Variants in RAB30 observed in about 807,000 individuals in gnomAD.
RAB30 encodes ras-related protein Rab-30.
A neutral mutation model predicts 25.1 loss-of-function variants in RAB30; 9 were observed. That is an observed-to-expected ratio of 0.36 (90% CI 0.22 to 0.63). RAB30 has a LOEUF of 0.63. Ranked by LOEUF, RAB30 falls within the 20% of genes least tolerant of loss-of-function variation. The probability of loss-of-function intolerance (pLI) is 0.69; values close to 1 mark genes in which losing one functional copy is unlikely to be tolerated. For missense variants in RAB30, 140 were observed against 243.5 expected (o/e 0.58, Z 2.83); for synonymous variants, 77 against 86.4 (o/e 0.89, Z 0.60).
At chr11:83,028,500 A>G (rs1014205230) in intron 1 of RAB30, among the ~76,000 whole-genome samples, 2 of 152,154 alleles carry the variant, frequency 1.3e-5, no homozygotes, top group Non-Finnish European at 2.9e-5. Flanking sequence ...CACACTGTGA[A>G]ACTTCAGAAA....
At chr11:83,057,201 GTT>G (rs535383170) in intron 1 of RAB30, among the ~76,000 whole-genome samples, 5 of 138,330 alleles carry the variant, frequency 3.6e-5, no homozygotes, top group African/African-American at 2.6e-5. Flanking sequence ...TCACTTGAGG[GTT>G]TTTTTTTTTT....
At chr11:83,056,458 G>C (rs1385234997) in intron 1 of RAB30, among the ~76,000 whole-genome samples, 2 of 152,098 alleles carry the variant, frequency 1.3e-5, no homozygotes, top group African/African-American at 4.8e-5. Context: ...TCCATCTTTT[G>C]GCTATGGTGA....
intron 1 of RAB30, among the ~76,000 whole-genome samples, chr11:83,057,807 GTA>G (rs1858487582): frequency 6.6e-6 from 1 of 152,218 alleles, no homozygotes; most frequent in Non-Finnish European, 1.5e-5. Context: ...AGAGAGAAAA[GTA>G]TTCGTCAGAC....
intron 1 of RAB30, among the ~76,000 whole-genome samples, chr11:83,016,088 T>C (rs1374166795): frequency 6.6e-6 from 1 of 152,094 alleles, no homozygotes; most frequent in East Asian, 1.9e-4. Flanking sequence ...CAGTGAGCTC[T>C]GATCATGCCA....
At chr11:83,018,192 G>A (rs933588250) in intron 1 of RAB30, among the ~76,000 whole-genome samples, 5 of 151,914 alleles carry the variant, frequency 3.3e-5, no homozygotes, top group Admixed American at 1.3e-4. Context: ...CCAGCTACTC[G>A]GGAGGCTGAG....
chr11:83,032,132 T>C (rs1292040089), intron 1 of RAB30, among the ~76,000 whole-genome samples: 1 of 132,978 alleles, frequency 7.5e-6, no homozygotes, highest in Non-Finnish European at 1.5e-5. Context: ...GTCTCAATAG[T>C]AGTGATCCTT....
Position 83,062,156 on chromosome 11 carries a change from C to G in RAB30, c.-9+9535G>C, listed in dbSNP as rs1375854313. On this transcript the variant is annotated intron_variant, in intron 1 of 4. Coordinates refer to ENST00000527633, the MANE Select transcript of RAB30 (RefSeq NM_001286060.2). ...TGGTTTCAGAAAGCCTACCTAGGGTCTATATCTGCATTTTTCAGAGTGGGA... is the reference window on the plus strand; with the variant it reads ...TGGTTTCAGAAAGCCTACCTAGGGTGTATATCTGCATTTTTCAGAGTGGGA... 2.0e-5 allele frequency among the ~76,000 whole-genome samples: 3 copies of G among 152,060 alleles called. No homozygotes were observed. The East Asian group carries it at 5.8e-4, about 29-fold the overall frequency.
chr11:83,001,536 G>C (rs1205792554), intron 1 of RAB30, among the ~76,000 whole-genome samples: 3 of 152,158 alleles, frequency 2.0e-5, no homozygotes, highest in African/African-American at 7.2e-5. Context: ...AATGCAGGCT[G>C]TCTATGTGTA....
intron 1 of RAB30, among the ~76,000 whole-genome samples, chr11:83,019,235 A>T (rs996682641): frequency 1.3e-5 from 2 of 152,190 alleles, no homozygotes; most frequent in Non-Finnish European, 2.9e-5. Flanking sequence ...CCCATTGGCC[A>T]GGCTGGTCTC....
At chr11:82,993,134 G>C (rs1446292979) in intron 3 of RAB30, among the ~76,000 whole-genome samples, 1 of 152,184 alleles carries the variant, frequency 6.6e-6, no homozygotes, top group African/African-American at 2.4e-5. Flanking sequence ...AGGTGATTTA[G>C]TCTCCCTTCA....
At position 82,982,219 on chromosome 11, in the gene RAB30, G is replaced by A; in HGVS notation, c.558C>T (p.Pro186=). The stretch of plus-strand genomic sequence containing the variant: ...TGATGCTTTTCCCTTCTCCAGGTAA[G>A]GGTGAGGATACATTGTTCACAAGTG... The part of the protein sequence containing the change: ...QNTLVNNVSS[P]LPGEGKSISY... Residue 186 remains proline, a synonymous_variant, in exon 5 of 5, where the codon CCC becomes CCT. Coordinates refer to ENST00000527633, the MANE Select transcript of RAB30 (RefSeq NM_001286060.2). The A allele has an allele frequency of 2.5e-6, 4 of 1,614,216 alleles. No homozygotes were observed. The highest frequency in any genetic ancestry group is 3.4e-6 in the Non-Finnish European group (4 of 1,180,030).
intron 3 of RAB30, among the ~76,000 whole-genome samples, chr11:82,989,511 T>C (rs1022233259): frequency 1.3e-5 from 2 of 152,208 alleles, no homozygotes; most frequent in Non-Finnish European, 2.9e-5. Context: ...ACAAAGGCTA[T>C]TTCTCTTCTC....
chr11:82,990,765 A>AT (rs956019133), intron 3 of RAB30, among the ~76,000 whole-genome samples: 2 of 151,874 alleles, frequency 1.3e-5, no homozygotes, highest in South Asian at 2.1e-4. Flanking sequence ...TGTTTTTTCC[A>AT]TTTTTTTTAT....
At chr11:82,997,382 T>G (rs1856981536) in intron 1 of RAB30, 58 bp from the exon 2 acceptor site, 4 of 1,227,998 alleles carry the variant, frequency 3.3e-6, no homozygotes, top group Non-Finnish European at 3.6e-6. Flanking sequence ...CCCACAGAGC[T>G]CAAGCTGCAC....
rs937415951 is a variant in RAB30 at position 82,980,211 on chromosome 11, A to C, written c.*1954T>G. On this transcript the variant is annotated 3_prime_UTR_variant, in exon 5 of 5. Transcript: ENST00000527633. ...GGATGGGGAGGGAAAGGCAACAATT[A>C]TTATAAATTATTTTGGTTTTTATTA... The C allele has an allele frequency of 6.6e-6, 1 of 152,172 alleles. No homozygotes were observed. The highest frequency in any genetic ancestry group is 1.5e-5 in the Non-Finnish European group (1 of 68,006). The allele number at this position is 152,172 out of a possible 1,614,324, so 9.4% of individuals were successfully genotyped here. A position where few individuals can be genotyped will look rare whatever the true frequency, so the allele number is the denominator to read the frequency against.
intron 1 of RAB30, among the ~76,000 whole-genome samples, chr11:83,036,926 C>T (rs1857999264): frequency 6.6e-6 from 1 of 152,182 alleles, no homozygotes; most frequent in African/African-American, 2.4e-5. Flanking sequence ...GACACAGGGC[C>T]TCGTTGACCA....
chr11:83,034,891 C>T (rs763730623), intron 1 of RAB30: 31 of 151,422 alleles, frequency 2.0e-4, no homozygotes, highest in Non-Finnish European at 3.1e-4. Context: ...GGGTGAGGCT[C>T]ATCAGAAGTA....
At chr11:83,000,781 C>T (rs1857061439) in intron 1 of RAB30, among the ~76,000 whole-genome samples, 1 of 152,014 alleles carries the variant, frequency 6.6e-6, no homozygotes, top group Non-Finnish European at 1.5e-5. Context: ...CGGCCGGGCG[C>T]GGTGGCTCAC....
At chr11:83,049,196 G>A (rs564521972) in intron 1 of RAB30, among the ~76,000 whole-genome samples, 2 of 152,208 alleles carry the variant, frequency 1.3e-5, no homozygotes, top group African/African-American at 4.8e-5. Context: ...CGGATCATGA[G>A]GTCAAGAGAT....
Sources: allele counts gnomAD v4.1 joint callset (sites outside exome capture counted in the v4.1 genomes callset), GRCh38; gene constraint gnomAD v4.1.1; transcripts MANE v1.5; gene names NCBI Gene and HGNC (gene_info 2026-07-23, HGNC 2026-07-21).